SERGEF: variants seen among roughly 807,000 people sequenced by gnomAD.
The protein encoded by SERGEF is secretion-regulating guanine nucleotide exchange factor.
In SERGEF, 51 loss-of-function variants were observed where a neutral mutation model predicts 50.0. The observed-to-expected ratio is 1.02, with a 90% CI of 0.81 to 1.29. The LOEUF (loss-of-function observed/expected upper bound fraction) is 1.29, where lower values mean the gene tolerates loss of function less well. Among genes scored for constraint, SERGEF ranks in the 50% most tolerant of loss-of-function variants. SERGEF has a pLI of 0.00. For missense variants in SERGEF, 521 were observed against 557.0 expected (o/e 0.94, Z 0.65); for synonymous variants, 205 against 212.4 (o/e 0.97, Z 0.30).
intron 10 of SERGEF, among the ~76,000 whole-genome samples, chr11:17,852,346 G>A (rs1850729060): frequency 6.6e-6 from 1 of 152,198 alleles, no homozygotes; most frequent in South Asian, 2.1e-4. Flanking sequence ...TAAGCTTAAT[G>A]AGTAATGAAA....
intron 9 of SERGEF, among the ~76,000 whole-genome samples, chr11:17,928,151 C>T (rs1852285258): frequency 2.0e-5 from 3 of 152,180 alleles, no homozygotes; most frequent in Admixed American, 2.0e-4. Flanking sequence ...TGGCATGCTG[C>T]CAGCAGGCAT....
intron 10 of SERGEF, among the ~76,000 whole-genome samples, chr11:17,822,327 A>C (rs751618685): frequency 1.3e-5 from 2 of 152,260 alleles, no homozygotes; most frequent in African/African-American, 2.4e-5. Context: ...GGCGATACTA[A>C]ATTTAGAACT....
chr11:17,827,108 G>C (rs571764345), intron 10 of SERGEF, among the ~76,000 whole-genome samples: 2 of 152,310 alleles, frequency 1.3e-5, no homozygotes, highest in South Asian at 2.1e-4. Flanking sequence ...TGGGATGTAG[G>C]GGGTAGAAAG....
intron 9 of SERGEF, among the ~76,000 whole-genome samples, chr11:17,952,585 C>A (rs996973402): frequency 2.0e-5 from 3 of 152,148 alleles, no homozygotes; most frequent in Admixed American, 6.6e-5. Flanking sequence ...AGCCTTCTGA[C>A]GTGCTCTGGT....
At chr11:17,861,441 C>T (rs897052024) in intron 10 of SERGEF, among the ~76,000 whole-genome samples, 3 of 152,232 alleles carry the variant, frequency 2.0e-5, no homozygotes, top group African/African-American at 7.2e-5. Flanking sequence ...ACTCCAAGGC[C>T]TCATGCCCCT....
chr11:17,929,733 G>A (rs1322618197), intron 9 of SERGEF, among the ~76,000 whole-genome samples: 1 of 152,162 alleles, frequency 6.6e-6, no homozygotes. Flanking sequence ...TTGCAAGGTT[G>A]TTTCATGCTT....
At chr11:17,980,142 T>C (rs1248009897) in intron 8 of SERGEF, among the ~76,000 whole-genome samples, 1 of 152,142 alleles carries the variant, frequency 6.6e-6, no homozygotes, top group Non-Finnish European at 1.5e-5. Context: ...AGTTCCACAA[T>C]AGTGGAGAAA....
intron 10 of SERGEF, among the ~76,000 whole-genome samples, chr11:17,835,558 T>C (rs1370249896): frequency 1.3e-5 from 2 of 152,196 alleles, no homozygotes; most frequent in Non-Finnish European, 2.9e-5. Context: ...CACCATCAAT[T>C]CCTGCCTGGA....
chr11:17,970,375 T>C (rs1490153886), intron 8 of SERGEF, among the ~76,000 whole-genome samples: 2 of 152,246 alleles, frequency 1.3e-5, no homozygotes, highest in Non-Finnish European at 2.9e-5. Context: ...GATTGTGTTC[T>C]GACTGCTCCA....
chr11:17,897,391 C>G (rs909763971), intron 9 of SERGEF, among the ~76,000 whole-genome samples: 27 of 152,326 alleles, frequency 1.8e-4, no homozygotes, highest in Non-Finnish European at 2.8e-4. Flanking sequence ...CAATCCCACC[C>G]AGACTTCTGG....
chr11:17,954,791 T>G (rs908830887), intron 9 of SERGEF, among the ~76,000 whole-genome samples: 1 of 152,214 alleles, frequency 6.6e-6, no homozygotes, highest in African/African-American at 2.4e-5. Flanking sequence ...GACTCAGGAC[T>G]GTGGCTGCAG....
At chr11:17,797,070 T>G (rs1178060891) in intron 10 of SERGEF, among the ~76,000 whole-genome samples, 2 of 152,174 alleles carry the variant, frequency 1.3e-5, no homozygotes, top group Non-Finnish European at 2.9e-5. Flanking sequence ...ATGTGCAAAA[T>G]ACAGCCAGGA....
chr11:17,826,873 A>G (rs1376613403), intron 10 of SERGEF, among the ~76,000 whole-genome samples: 18 of 152,212 alleles, frequency 1.2e-4, no homozygotes, highest in Admixed American at 1.1e-3. Flanking sequence ...AGCATATCAT[A>G]TATGTCAGGA....
intron 9 of SERGEF, among the ~76,000 whole-genome samples, chr11:17,891,316 C>A (rs947819009): frequency 1.3e-5 from 2 of 152,156 alleles, no homozygotes; most frequent in Admixed American, 1.3e-4. Context: ...TCCATACTTG[C>A]AATTTGAGTC....
intron 10 of SERGEF, among the ~76,000 whole-genome samples, chr11:17,841,684 T>C (rs1339050978): frequency 6.6e-6 from 1 of 152,196 alleles, no homozygotes; most frequent in Non-Finnish European, 1.5e-5. Context: ...CCACCTCTGC[T>C]TCAAATCCTT....
In SERGEF at chr11:17,963,366, A is replaced by T. The variant is rs1468421910; in HGVS notation, c.845-3730T>A. Among the ~76,000 whole-genome samples, 16 of 85,342 alleles carry T rather than the reference A, an allele frequency of 1.9e-4. No individual in the cohort carries two copies. The South Asian group carries it at 6.1e-3, about 32-fold the overall frequency. The allele number at this position is 85,342 out of a possible 152,430, so 56.0% of individuals were successfully genotyped here. Reference sequence around the variant, plus strand: ...TAAACTTGGTTGCTTACTATTAGTAAAAAAAAAAAAAAAAAAAAAAAAAAA... The same window carrying T: ...TAAACTTGGTTGCTTACTATTAGTATAAAAAAAAAAAAAAAAAAAAAAAAA... On this transcript the variant is annotated intron_variant, in intron 8 of 10. Coordinates refer to ENST00000265965, the MANE Select transcript of SERGEF (RefSeq NM_012139.4).
intron 9 of SERGEF, chr11:17,926,919 C>G: frequency 2.2e-6 from 1 of 447,940 alleles, no homozygotes; most frequent in South Asian, 1.6e-5. Flanking sequence ...TCACTGCAGA[C>G]TGTCTGCTCC....
intron 8 of SERGEF, among the ~76,000 whole-genome samples, chr11:17,975,651 T>A (rs1315243553): frequency 1.3e-5 from 2 of 152,094 alleles, no homozygotes; most frequent in African/African-American, 4.8e-5. Context: ...AAAGCAAGCA[T>A]GAGGCCTCAA....
Position 17,813,830 on chromosome 11 carries a change from A to T in SERGEF, c.1049-25417T>A, listed in dbSNP as rs117319511. On this transcript the variant is annotated intron_variant, in intron 10 of 10. Coordinates refer to ENST00000265965, the MANE Select transcript of SERGEF (RefSeq NM_012139.4). Reference sequence around the variant, plus strand: ...ATATGGAGGAAAACTCGTTATCTGTATATCTGTGCCTGGAGCACAGGTTCA... The same window carrying T: ...ATATGGAGGAAAACTCGTTATCTGTTTATCTGTGCCTGGAGCACAGGTTCA... Among the ~76,000 whole-genome samples the T allele has an allele frequency of 3.3e-5, 5 of 152,400 alleles. No homozygotes were observed. In the East Asian group the frequency reaches 9.6e-4, roughly 29 times the overall value.
Sources: allele counts gnomAD v4.1 joint callset (sites outside exome capture counted in the v4.1 genomes callset), GRCh38; gene constraint gnomAD v4.1.1; transcripts MANE v1.5; gene names NCBI Gene and HGNC (gene_info 2026-07-23, HGNC 2026-07-21).